Variants in SLC15A4 observed in about 807,000 individuals in gnomAD.
SLC15A4 encodes the protein hPHT1.
A neutral mutation model predicts 46.1 loss-of-function variants in SLC15A4; 26 were observed. The ratio of observed to expected loss-of-function variants is 0.56; its 90% CI spans 0.41 to 0.78. SLC15A4 has a LOEUF of 0.78. Among genes scored for constraint, SLC15A4 ranks in the 30% least tolerant of loss-of-function variants. The pLI is 0.00. For synonymous variants in SLC15A4, 370 were observed against 333.4 expected (o/e 1.11, Z -1.20); for missense variants, 751 against 755.7 (o/e 0.99, Z 0.07).
intron 7 of SLC15A4, among the ~76,000 whole-genome samples, chr12:128,795,107 G>A (rs1396186865): frequency 1.3e-5 from 2 of 152,118 alleles, no homozygotes; most frequent in African/African-American, 2.4e-5. Flanking sequence ...TATGGAACCT[G>A]TGCACTTTTT....
intron 5 of SLC15A4, among the ~76,000 whole-genome samples, chr12:128,808,172 T>A (rs1955611767): frequency 6.6e-6 from 1 of 152,152 alleles, no homozygotes; most frequent in South Asian, 2.1e-4. Flanking sequence ...AACAACTCAT[T>A]TCAGCACATA....
At chr12:128,801,098 G>A (rs755006561) in intron 5 of SLC15A4, 89 bp from the exon 6 acceptor site, 1 of 1,255,030 alleles carries the variant, frequency 8.0e-7, no homozygotes, top group Non-Finnish European at 1.1e-6. Context: ...AGACTTCGTA[G>A]CAAACGTGAT....
chr12:128,809,047 G>T, intron 4 of SLC15A4, 91 bp from the exon 5 acceptor site: 1 of 1,183,198 alleles, frequency 8.5e-7, no homozygotes, highest in Admixed American at 2.2e-5. Context: ...AGAAATGCAC[G>T]TAAAGAACAG....
intron 5 of SLC15A4, 71 bp from the exon 6 acceptor site, chr12:128,801,080 T>C: frequency 7.1e-7 from 1 of 1,416,898 alleles, no homozygotes; most frequent in Non-Finnish European, 9.6e-7. Context: ...AATCTGATGT[T>C]GGCTACGAGA....
rs1955890639 is a variant in SLC15A4, at chr12:128,823,743, G to C, written c.201C>G (p.Phe67Leu). 6.5e-7 allele frequency: 1 copy of C among 1,540,236 alleles called. No individual in the cohort carries two copies. The highest frequency in any genetic ancestry group is 1.9e-5 in the Admixed American group (1 of 52,912). Residue 67 changes from phenylalanine to leucine, a missense_variant, in exon 1 of 8, where the codon TTC (phenylalanine) becomes TTG (leucine). By Grantham distance (22) the Phe-to-Leu change is conservative (BLOSUM62 0). Transcript: ENST00000266771. Reference protein sequence around the residue: ...NLVLFLNGAPFCWEGAQASEA... With the variant: ...NLVLFLNGAPLCWEGAQASEA... ...CGCTGGCCTGCGCGCCCTCCCAGCA[G>C]AACGGCGCCCCGTTCAGGAATAGCA...
chr12:128,817,484 T>C (rs57855148), intron 1 of SLC15A4, among the ~76,000 whole-genome samples: 2,131 of 152,316 alleles, frequency 0.014, 41 homozygotes, highest in African/African-American at 0.041. Context: ...ATTTCCTAAC[T>C]GAAATGTACT....
At chr12:128,797,340 G>A (rs1039615825) in intron 7 of SLC15A4, among the ~76,000 whole-genome samples, 5 of 152,146 alleles carry the variant, frequency 3.3e-5, no homozygotes, top group Non-Finnish European at 5.9e-5. Flanking sequence ...GCACAGGACA[G>A]GCGAGGGTAA....
In SLC15A4 at chr12:128,794,053, G is replaced by A. The variant is rs1955416512; in HGVS notation, c.*143C>T. 1.2e-6 allele frequency: 1 copy of A among 849,434 alleles called. No homozygotes were observed. The allele number at this position is 849,434 out of a possible 1,614,324, so 52.6% of individuals were successfully genotyped here. On this transcript the variant is annotated 3_prime_UTR_variant, in exon 8 of 8. Transcript: ENST00000266771. ...CTTACCAAGCTCCTTTGGATAGAGG[G>A]AAAGAAGAAATCAATCCAGGCAACA...
chr12:128,823,781 T>A lies in SLC15A4; in HGVS notation c.163A>T (p.Thr55Ser). The change falls in exon 1 of 8, where the codon ACG (threonine) becomes TCG (serine). Residue 55 changes from threonine (T) to serine (S), a missense_variant. By Grantham distance (58) the Thr-to-Ser change is moderately conservative (BLOSUM62 1). Transcript: ENST00000266771. ...LLERAAFYGI[T>S]SNLVLFLNGA... ...TTCAGGAATAGCACCAGGTTGGACG[T>A]GATGCCGTAGAAAGCGGCGCGCTCC... 6.6e-7 allele frequency: 1 copy of A among 1,519,018 alleles called. No homozygotes were observed. Among genetic ancestry groups the A allele is most frequent in the Non-Finnish European group, 8.8e-7 (1 of 1,140,588 alleles). 94.1% of individuals were successfully genotyped at this position (1,519,018 alleles called of 1,614,324 possible).
intron 1 of SLC15A4, 39 bp downstream of exon 1, chr12:128,823,359 T>G: frequency 1.5e-6 from 2 of 1,361,508 alleles, no homozygotes; most frequent in Non-Finnish European, 9.4e-7. Context: ...GGGCAGGGGC[T>G]GGACAGGGAC....
intron 1 of SLC15A4, among the ~76,000 whole-genome samples, chr12:128,822,076 G>A (rs576219082): frequency 6.6e-6 from 1 of 152,154 alleles, no homozygotes; most frequent in East Asian, 1.9e-4. Flanking sequence ...CACATGATCC[G>A]GCCCCAGCCT....
At chr12:128,816,136 ACT>A (rs1955747688) in intron 1 of SLC15A4, among the ~76,000 whole-genome samples, 1 of 152,224 alleles carries the variant, frequency 6.6e-6, no homozygotes, top group Non-Finnish European at 1.5e-5. Context: ...AAACAAAAGC[ACT>A]GAGGTAATAA....
intron 1 of SLC15A4, among the ~76,000 whole-genome samples, chr12:128,819,041 AG>A (rs543741683): frequency 5.6e-4 from 85 of 152,364 alleles, no homozygotes; most frequent in African/African-American, 1.3e-3. Flanking sequence ...CCAAATGTAT[AG>A]AAAAGTTGAA....
At chr12:128,820,710 A>T (rs960982231) in intron 1 of SLC15A4, among the ~76,000 whole-genome samples, 5 of 152,262 alleles carry the variant, frequency 3.3e-5, no homozygotes, top group Non-Finnish European at 7.3e-5. Context: ...ATGTGGACTA[A>T]CCAGATACTG....
At chr12:128,815,137 G>C (rs745980672) in intron 1 of SLC15A4, 67 bp from the exon 2 acceptor site, 2 of 1,419,456 alleles carry the variant, frequency 1.4e-6, no homozygotes, top group South Asian at 1.3e-5. Flanking sequence ...AACCATATAC[G>C]GTCAAGTGGT....
At chr12:128,796,943 A>T (rs139096810) in intron 7 of SLC15A4, among the ~76,000 whole-genome samples, 36 of 152,348 alleles carry the variant, frequency 2.4e-4, no homozygotes, top group African/African-American at 8.2e-4. Context: ...CCGCAGGCAG[A>T]CACACCACGC....
chr12:128,809,347 T>C (rs1955625549), intron 4 of SLC15A4, 49 bp downstream of exon 4: 3 of 1,215,774 alleles, frequency 2.5e-6, no homozygotes, highest in Non-Finnish European at 1.2e-6. Flanking sequence ...AATCCATTTA[T>C]TACATAAGTC....
intron 7 of SLC15A4, among the ~76,000 whole-genome samples, chr12:128,797,797 C>G (rs537245188): frequency 2.7e-4 from 41 of 152,306 alleles, no homozygotes; most frequent in African/African-American, 7.5e-4. Context: ...ATGTCACAGC[C>G]TTTATTTCTC....
At chr12:128,821,864 AAC>A (rs1478636362) in intron 1 of SLC15A4, among the ~76,000 whole-genome samples, 2 of 147,498 alleles carry the variant, frequency 1.4e-5, no homozygotes, top group African/African-American at 5.0e-5. Context: ...CCAACCTGGC[AAC>A]AGAGCGAGAC....
Sources: allele counts gnomAD v4.1 joint callset (sites outside exome capture counted in the v4.1 genomes callset), GRCh38; gene constraint gnomAD v4.1.1; transcripts MANE v1.5; gene names NCBI Gene and HGNC (gene_info 2026-07-23, HGNC 2026-07-21).